PARD3: variants seen among roughly 807,000 people sequenced by gnomAD.
PARD3 encodes partitioning defective 3 homolog.
In PARD3, 75 loss-of-function variants were observed where a neutral mutation model predicts 155.4. That is an observed-to-expected ratio of 0.48 (90% CI 0.40 to 0.58). The LOEUF (loss-of-function observed/expected upper bound fraction) is 0.58. PARD3 is among the 20% of genes least tolerant of loss of function. The probability of loss-of-function intolerance (pLI) is 0.00; values close to 1 mark genes in which losing one functional copy is unlikely to be tolerated. For missense variants in PARD3, 1,642 were observed against 1,721.7 expected (o/e 0.95, Z 0.82); for synonymous variants, 576 against 610.5 (o/e 0.94, Z 0.83).
At chr10:34,733,952 T>C (rs1331010281) in intron 1 of PARD3, among the ~76,000 whole-genome samples, 10 of 151,944 alleles carry the variant, frequency 6.6e-5, no homozygotes, top group Admixed American at 6.6e-4. Context: ...AAAGCTGTTT[T>C]TTTTTTTTTA....
intron 3 of PARD3, among the ~76,000 whole-genome samples, chr10:34,515,177 T>C (rs2081634663): frequency 6.6e-6 from 1 of 152,208 alleles, no homozygotes. Flanking sequence ...GGGTAACTAG[T>C]GTACCACCTG....
intron 3 of PARD3, among the ~76,000 whole-genome samples, chr10:34,483,782 A>G (rs1183679259): frequency 6.6e-6 from 1 of 152,244 alleles, no homozygotes; most frequent in East Asian, 1.9e-4. Flanking sequence ...ACACTGAATT[A>G]GCAAATACTC....
intron 1 of PARD3, among the ~76,000 whole-genome samples, chr10:34,783,725 GA>G (rs1460522515): frequency 6.8e-6 from 1 of 146,268 alleles, no homozygotes; most frequent in African/African-American, 2.5e-5. Context: ...ACTTTAGAAA[GA>G]AAAAAAGGGA....
chr10:34,419,461 G>A (rs1176311666), intron 5 of PARD3, among the ~76,000 whole-genome samples: 1 of 152,090 alleles, frequency 6.6e-6, no homozygotes, highest in East Asian at 1.9e-4. Context: ...AGGTTTCAGT[G>A]AGCAGAGATT....
chr10:34,685,596 CT>C (rs11407073), intron 2 of PARD3, among the ~76,000 whole-genome samples: 143 of 145,664 alleles, frequency 9.8e-4, no homozygotes, highest in Middle Eastern at 3.6e-3. Context: ...TTCCCGCAAT[CT>C]TTTTTTTTTT....
At chr10:34,678,147 C>T (rs558915447) in intron 2 of PARD3, among the ~76,000 whole-genome samples, 90 of 152,158 alleles carry the variant, frequency 5.9e-4, no homozygotes, top group Non-Finnish European at 1.1e-3. Context: ...AATCTCGGCT[C>T]ACTGCAGCCT....
chr10:34,349,871 C>A (rs989541188), intron 14 of PARD3, among the ~76,000 whole-genome samples: 1 of 152,064 alleles, frequency 6.6e-6, no homozygotes, highest in Non-Finnish European at 1.5e-5. Flanking sequence ...CCCTAAATAT[C>A]CCAAAAGGCT....
chr10:34,750,223 C>T (rs575016576), intron 1 of PARD3, among the ~76,000 whole-genome samples: 1 of 151,732 alleles, frequency 6.6e-6, no homozygotes, highest in African/African-American at 2.4e-5. Flanking sequence ...ATGGAAGTAC[C>T]TTTTTAGAAT....
rs1432963529 is a variant in PARD3, at chr10:34,750,690, A to T, written c.121-54271T>A. On this transcript the variant is annotated intron_variant, in intron 1 of 24. Coordinates refer to ENST00000374788, the MANE Select transcript of PARD3 (RefSeq NM_001184785.2). ...GGATTATTCTTGGTAATGACATAAC[A>T]ATTTTTTTTTTTTTTTGAGATGGAG... Among the ~76,000 whole-genome samples, 15 of 130,298 alleles carry T rather than the reference A, an allele frequency of 1.2e-4. No individual in the cohort carries two copies. In the South Asian group the frequency reaches 3.5e-3, roughly 31 times the overall value. 85.5% of individuals were successfully genotyped at this position (130,298 alleles called of 152,430 possible).
At chr10:34,605,560 CTA>C (rs772269864) in intron 2 of PARD3, among the ~76,000 whole-genome samples, 646 of 14,560 alleles carry the variant, frequency 0.044, 162 homozygotes, top group African/African-American at 0.081. Flanking sequence ...TATATATCTC[CTA>C]TATATATATA....
At chr10:34,387,784 T>C (rs1412708101) in intron 7 of PARD3, among the ~76,000 whole-genome samples, 1 of 128,940 alleles carries the variant, frequency 7.8e-6, no homozygotes, top group African/African-American at 3.5e-5. Context: ...CTCATAATTT[T>C]TCAGTTTTAA....
At chr10:34,616,945 A>T (rs531273681) in intron 2 of PARD3, among the ~76,000 whole-genome samples, 6 of 151,692 alleles carry the variant, frequency 4.0e-5, no homozygotes, top group South Asian at 2.1e-4. Context: ...AAAAAAAAAA[A>T]AAAATAACTA....
rs549170035 is a variant in PARD3, at chr10:34,184,461, G to A, written c.3420-52878C>T. 5.3e-5 allele frequency among the ~76,000 whole-genome samples: 8 copies of A among 152,286 alleles called. No individual in the cohort carries two copies. The South Asian group carries it at 1.7e-3, about 32-fold the overall frequency. ...CACCCCCTGGCTCATAGGGGGTTTA[G>A]AGAATTAATTAATGTTTGCAAAGTG... On this transcript the variant is annotated intron_variant, in intron 22 of 24. Coordinates refer to ENST00000374788, the MANE Select transcript of PARD3 (RefSeq NM_001184785.2).
intron 22 of PARD3, among the ~76,000 whole-genome samples, chr10:34,204,744 T>C (rs1257682377): frequency 6.6e-6 from 1 of 152,224 alleles, no homozygotes; most frequent in Non-Finnish European, 1.5e-5. Context: ...TCAAATCATC[T>C]TTCTTGATGT....
intron 22 of PARD3, among the ~76,000 whole-genome samples, chr10:34,227,952 C>A (rs1952710797): frequency 6.8e-6 from 1 of 146,388 alleles, no homozygotes; most frequent in Admixed American, 6.8e-5. Flanking sequence ...ACCATAAAGA[C>A]ACATGCACGC....
At chr10:34,590,263 A>G (rs1298100384) in intron 2 of PARD3, among the ~76,000 whole-genome samples, 1 of 152,222 alleles carries the variant, frequency 6.6e-6, no homozygotes, top group African/African-American at 2.4e-5. Context: ...CCTGCCGGCC[A>G]GCCCACACCA....
intron 22 of PARD3, among the ~76,000 whole-genome samples, chr10:34,145,045 G>C (rs1016211949): frequency 9.2e-5 from 14 of 151,578 alleles, no homozygotes; most frequent in Non-Finnish European, 1.0e-4. Flanking sequence ...CTCACTGACA[G>C]TTTGGCTAGG....
intron 5 of PARD3, among the ~76,000 whole-genome samples, chr10:34,443,579 C>G (rs2132686657): frequency 6.6e-6 from 1 of 152,162 alleles, no homozygotes; most frequent in South Asian, 2.1e-4. Context: ...GGGAAATTCC[C>G]ATTTTTAAAA....
At chr10:34,486,383 T>C (rs2079471982) in intron 3 of PARD3, among the ~76,000 whole-genome samples, 1 of 152,154 alleles carries the variant, frequency 6.6e-6, no homozygotes, top group Admixed American at 6.5e-5. Flanking sequence ...AAAATTTTAT[T>C]TTTTGTTTAC....
Sources: allele counts gnomAD v4.1 joint callset (sites outside exome capture counted in the v4.1 genomes callset), GRCh38; gene constraint gnomAD v4.1.1; transcripts MANE v1.5; gene names NCBI Gene and HGNC (gene_info 2026-07-23, HGNC 2026-07-21).